The following PTPRD variants were observed in gnomAD, a reference collection of about 807,000 sequenced individuals.
The protein encoded by PTPRD is receptor-type tyrosine-protein phosphatase delta.
PTPRD carries 34 observed loss-of-function variants against 214.5 expected under a neutral mutation model. The ratio of observed to expected loss-of-function variants is 0.16; its 90% confidence interval spans 0.12 to 0.21. The LOEUF is 0.21. Ranked by LOEUF, PTPRD falls within the 10% of genes least tolerant of loss-of-function variation. The probability of loss-of-function intolerance (pLI) is 1.00; values close to 1 mark genes in which losing one functional copy is unlikely to be tolerated. For missense variants in PTPRD, 2,545 were observed against 2,398.7 expected (o/e 1.06, Z -1.27); for synonymous variants, 1,128 against 845.7 (o/e 1.33, Z -5.79).
intron 5 of PTPRD, among the ~76,000 whole-genome samples, chr9:9,897,267 CCA>C (rs2075259077): frequency 6.6e-6 from 1 of 151,876 alleles, no homozygotes; most frequent in South Asian, 2.1e-4. Context: ...AGCAAACAGT[CCA>C]CAGTTGACTC....
intron 4 of PTPRD, among the ~76,000 whole-genome samples, chr9:9,966,827 G>A (rs1362038689): frequency 6.6e-6 from 1 of 152,152 alleles, no homozygotes; most frequent in East Asian, 1.9e-4. Context: ...TCGAGGAAGA[G>A]AAGAAAGAAA....
intron 9 of PTPRD, among the ~76,000 whole-genome samples, chr9:9,364,312 T>G (rs916202591): frequency 1.3e-5 from 2 of 151,398 alleles, no homozygotes; most frequent in Admixed American, 1.3e-4. Context: ...TAAACAAAAT[T>G]GTGAAGAGAA....
chr9:9,011,419 A>C (rs1288500680), intron 11 of PTPRD, among the ~76,000 whole-genome samples: 1 of 152,214 alleles, frequency 6.6e-6, no homozygotes, highest in East Asian at 1.9e-4. Flanking sequence ...GCATATAATT[A>C]CATAGGATAT....
chr9:9,827,675 A>G (rs2053414970), intron 5 of PTPRD, among the ~76,000 whole-genome samples: 1 of 152,224 alleles, frequency 6.6e-6, no homozygotes. Context: ...ATTAAACTAA[A>G]GAGCTTCTGC....
At chr9:9,007,169 G>A (rs907058894) in intron 11 of PTPRD, among the ~76,000 whole-genome samples, 12 of 151,828 alleles carry the variant, frequency 7.9e-5, no homozygotes, top group Non-Finnish European at 1.8e-4. Flanking sequence ...AAACTGTGAT[G>A]AGGTTATGAG....
At chr9:9,100,983 AT>A (rs145318563) in intron 10 of PTPRD, among the ~76,000 whole-genome samples, 4,705 of 152,220 alleles carry the variant, frequency 0.031, 159 homozygotes, top group African/African-American at 0.081. Flanking sequence ...AAGCAGATTT[AT>A]TTTGTTAATT....
At chr9:10,054,487 A>G (rs773139107) in intron 3 of PTPRD, among the ~76,000 whole-genome samples, 1 of 152,110 alleles carries the variant, frequency 6.6e-6, no homozygotes, top group Non-Finnish European at 1.5e-5. Context: ...CCTGCTGTCC[A>G]TTTTCTTAGA....
intron 10 of PTPRD, among the ~76,000 whole-genome samples, chr9:9,116,514 T>C (rs1400570247): frequency 1.3e-5 from 2 of 152,080 alleles, no homozygotes; most frequent in African/African-American, 4.8e-5. Flanking sequence ...CTACTGATTA[T>C]GATGTACACT....
At chr9:9,199,465 G>C (rs767490436) in intron 9 of PTPRD, among the ~76,000 whole-genome samples, 2 of 152,128 alleles carry the variant, frequency 1.3e-5, no homozygotes, top group Non-Finnish European at 2.9e-5. Flanking sequence ...TCTACTGGTA[G>C]AATTCACATG....
chr9:10,185,251 G>T (rs187283551), intron 3 of PTPRD, among the ~76,000 whole-genome samples: 1 of 152,048 alleles, frequency 6.6e-6, no homozygotes, highest in South Asian at 2.1e-4. Flanking sequence ...GTACAAAAGC[G>T]GGTTTTCAAC....
chr9:9,493,670 C>T (rs959203489), intron 8 of PTPRD, among the ~76,000 whole-genome samples: 6 of 151,264 alleles, frequency 4.0e-5, no homozygotes, highest in Admixed American at 1.3e-4. Context: ...AGCCTGTAGT[C>T]CCAGCTACTC....
chr9:8,665,115 C>T (rs781219435), intron 12 of PTPRD, among the ~76,000 whole-genome samples: 8 of 152,096 alleles, frequency 5.3e-5, no homozygotes, highest in Non-Finnish European at 1.0e-4. Flanking sequence ...AAACTGAGTT[C>T]GAATTTTTTT....
intron 7 of PTPRD, among the ~76,000 whole-genome samples, chr9:9,629,625 C>G (rs1466841419): frequency 6.6e-6 from 1 of 152,182 alleles, no homozygotes; most frequent in African/African-American, 2.4e-5. Flanking sequence ...TGAGGAGTGA[C>G]AGATCAGATA....
intron 3 of PTPRD, among the ~76,000 whole-genome samples, chr9:10,315,727 G>A (rs897215500): frequency 1.3e-5 from 2 of 151,916 alleles, no homozygotes; most frequent in East Asian, 1.9e-4. Flanking sequence ...CAGTTCCGCA[G>A]GGCACAGCAA....
intron 11 of PTPRD, among the ~76,000 whole-genome samples, chr9:8,850,729 T>G (rs959418299): frequency 3.9e-5 from 6 of 152,260 alleles, no homozygotes; most frequent in South Asian, 4.2e-4. Context: ...ACCAGAGAAG[T>G]CTGAATTGGT....
chr9:9,489,125 T>C (rs1254068684), intron 8 of PTPRD, among the ~76,000 whole-genome samples: 1 of 152,114 alleles, frequency 6.6e-6, no homozygotes, highest in Non-Finnish European at 1.5e-5. Context: ...TCATAAATAA[T>C]TGCATATATG....
At chr9:8,874,447 G>A (rs1433227835) in intron 11 of PTPRD, among the ~76,000 whole-genome samples, 1 of 152,052 alleles carries the variant, frequency 6.6e-6, no homozygotes, top group Non-Finnish European at 1.5e-5. Context: ...TCTAATTCTG[G>A]GAAAAACAAA....
chr9:8,433,479 G>C (rs1306747004), intron 35 of PTPRD, among the ~76,000 whole-genome samples: 1 of 152,148 alleles, frequency 6.6e-6, no homozygotes, highest in Non-Finnish European at 1.5e-5. Flanking sequence ...ATCATCATAG[G>C]AGATGACAGC....
At chr9:8,933,461 G>A (rs1305830370) in intron 11 of PTPRD, among the ~76,000 whole-genome samples, 1 of 148,924 alleles carries the variant, frequency 6.7e-6, no homozygotes, top group Non-Finnish European at 1.5e-5. Flanking sequence ...GGGATTGGCT[G>A]TAGCTTACAT....
Sources: gnomAD v4.1 joint callset for allele counts (sites outside exome capture counted in the v4.1 genomes callset) on GRCh38, gnomAD v4.1.1 for gene constraint, MANE v1.5 for transcripts, NCBI Gene and HGNC (gene_info 2026-07-23, HGNC 2026-07-21) for gene names.